The following TTC16 variants were observed in gnomAD, a reference collection of about 807,000 sequenced individuals.
The protein encoded by TTC16 is tetratricopeptide repeat protein 16.
TTC16 carries 66 observed loss-of-function variants against 80.4 expected under a neutral mutation model. The ratio of observed to expected loss-of-function variants is 0.82; its 90% confidence interval spans 0.67 to 1.01. The LOEUF (loss-of-function observed/expected upper bound fraction) is 1.01. TTC16 is among the 50% of genes least tolerant of loss of function. The probability of loss-of-function intolerance (pLI) is 0.00; values close to 1 mark genes in which losing one functional copy is unlikely to be tolerated. For synonymous variants in TTC16, 438 were observed against 451.3 expected (o/e 0.97, Z 0.37); for missense variants, 1,070 against 1,103.2 (o/e 0.97, Z 0.43).
At chr9:127,726,757 C>T (rs945983048) in intron 10 of TTC16, among the ~76,000 whole-genome samples, 2 of 147,370 alleles carry the variant, frequency 1.4e-5, no homozygotes, top group African/African-American at 4.9e-5. Flanking sequence ...CACTGCACTC[C>T]AGCCTGGGCG....
At chr9:127,728,215 T>A (rs1303938009) in intron 12 of TTC16, 1 of 152,244 alleles carries the variant, frequency 6.6e-6, no homozygotes, top group African/African-American at 2.4e-5. Flanking sequence ...GGGGCCCCCT[T>A]CGAGGCCCCT....
chr9:127,719,119 G>C (rs1843264622), intron 4 of TTC16, among the ~76,000 whole-genome samples: 2 of 151,654 alleles, frequency 1.3e-5, no homozygotes, highest in Non-Finnish European at 2.9e-5. Context: ...GCTGAGGCAG[G>C]AGAACCTCTT....
In TTC16 at chr9:127,730,731, CT is replaced by C; in HGVS notation, c.1949del (p.Leu650ArgfsTer2). 1 of 1,613,654 alleles carries C rather than the reference CT, an allele frequency of 6.2e-7. No homozygotes were observed. The highest frequency in any genetic ancestry group is 8.5e-7 in the Non-Finnish European group (1 of 1,180,050). ...ATAVTFSDSS[L>X]LKTQSSDSGN... ...CGCCGTGACATTCTCTGACTCGTCACTGTTGAAGACGCAATCCTCGGACTCT... is the reference window on the plus strand; with the variant it reads ...CGCCGTGACATTCTCTGACTCGTCACGTTGAAGACGCAATCCTCGGACTCT... On this transcript the variant is annotated frameshift_variant, in exon 14 of 14. Transcript: ENST00000373289. LOFTEE classifies it low-confidence loss of function (END_TRUNC).
chr9:127,726,907 C>G (rs1377069769), intron 10 of TTC16, 63 bp from the exon 11 acceptor site: 4 of 1,606,510 alleles, frequency 2.5e-6, no homozygotes, highest in Non-Finnish European at 3.4e-6. Context: ...GTCAGGGCAG[C>G]ATCGTGCTGT....
In TTC16 at chr9:127,723,341, A is replaced by G. The variant is rs781256401; in HGVS notation, c.872+8A>G. ...CAGTCTCTTCCTCTTCCGGTACTGC[A>G]TGGGAAGGTGCTGGCCTTGGGTCCC... On this transcript the variant is annotated splice_region_variant and intron_variant, in intron 7 of 13. Transcript: ENST00000373289. 1.3e-5 allele frequency: 21 copies of G among 1,610,052 alleles called. No individual in the cohort carries two copies. The South Asian group carries it at 2.2e-4, about 17-fold the overall frequency.
chr9:127,724,892 G>T lies in TTC16; in HGVS notation c.1254G>T (p.Arg418Ser). ...LQEKMGFCEQ[R>S]RKQFQKAENH... ...AGAAGATGGGCTTCTGCGAGCAGAG[G>T]CGCAAGTGCGTGGGCTCCCGCCCCC... The change falls in exon 9 of 14, where the codon AGG (arginine) becomes AGT (serine). Residue 418 changes from arginine to serine, a missense_variant. Physicochemically the swap from Arg to Ser is moderately radical, Grantham distance 110 (BLOSUM62 -1). Coordinates refer to ENST00000373289, the MANE Select transcript of TTC16 (RefSeq NM_144965.3). 6.5e-7 allele frequency: 1 copy of T among 1,534,058 alleles called. No homozygotes were observed. The highest frequency in any genetic ancestry group is 8.7e-7 in the Non-Finnish European group (1 of 1,143,750).
rs779856824 is a variant in TTC16 at position 127,730,826 on chromosome 9, C to T, written c.2043C>T (p.Ser681=). 1 of 1,612,000 alleles carries T rather than the reference C, an allele frequency of 6.2e-7. No individual in the cohort carries two copies. Among genetic ancestry groups the T allele is most frequent in the East Asian group, 2.2e-5 (1 of 44,772 alleles). The change falls in exon 14 of 14, where the codon AGC becomes AGT. Residue 681 remains serine, a synonymous_variant. Transcript: ENST00000373289. ...AGGCCACCCAGGGCCAGAGGCAGAG[C>T]CTTAGCAAGACTGAGCCCACCCAGA... ...KIKATQGQRQ[S]LSKTEPTQSQ...
intron 9 of TTC16, 119 bp downstream of exon 9, chr9:127,725,016 C>T (rs1843821050): frequency 3.9e-6 from 5 of 1,266,036 alleles, no homozygotes; most frequent in Non-Finnish European, 5.2e-6. Context: ...GGCGATGGCT[C>T]ATCCCTGTAA....
chr9:127,726,322 A>G lies in TTC16; in HGVS notation c.1343A>G (p.Lys448Arg). The change falls in exon 10 of 14, where the codon AAG (lysine) becomes AGG (arginine). Residue 448 changes from lysine to arginine, a missense_variant. Coordinates refer to ENST00000373289, the MANE Select transcript of TTC16 (RefSeq NM_144965.3). ...QKAQYYLYRA[K>R]SRQLLQNIFG... ...GCCCAGTACTACCTGTACCGGGCCAAGAGCCGGCAGCTGCTGCAGAACATT... is the reference window on the plus strand; with the variant it reads ...GCCCAGTACTACCTGTACCGGGCCAGGAGCCGGCAGCTGCTGCAGAACATT... 1 of 1,612,504 alleles carries G rather than the reference A, an allele frequency of 6.2e-7. No homozygotes were observed. Among genetic ancestry groups the G allele is most frequent in the Non-Finnish European group, 8.5e-7 (1 of 1,179,502 alleles).
chr9:127,716,934 G>A lies in TTC16; in HGVS notation c.109G>A (p.Gly37Arg). The change falls in exon 2 of 14, where the codon GGG (glycine) becomes AGG (arginine). Residue 37 changes from glycine to arginine, a missense_variant. Gly to Arg is a moderately radical substitution (Grantham distance 125, BLOSUM62 -2). Coordinates refer to ENST00000373289, the MANE Select transcript of TTC16 (RefSeq NM_144965.3). ...APKGILQHIFGTSHVFQSICD... is the reference protein window; with the variant it reads ...APKGILQHIFRTSHVFQSICD... ...CAAAGGGATCCTGCAGCACATCTTT[G>A]GGACCAGCCACGTGTTCCAAAGCAT... 1 of 1,614,132 alleles carries A rather than the reference G, an allele frequency of 6.2e-7. No homozygotes were observed. Among genetic ancestry groups the A allele is most frequent in the Non-Finnish European group, 8.5e-7 (1 of 1,180,008 alleles).
At chr9:127,729,744 G>T (rs1396884235) in intron 13 of TTC16, 76 bp downstream of exon 13, 6 of 1,413,988 alleles carry the variant, frequency 4.2e-6, no homozygotes, top group Admixed American at 1.7e-5. Context: ...GTCGAAGACC[G>T]CTGGCCTAGG....
Position 127,730,767 on chromosome 9 carries a change from A to C in TTC16, c.1984A>C (p.Arg662=). The C allele has an allele frequency of 6.2e-7, 1 of 1,613,734 alleles. No homozygotes were observed. The highest frequency in any genetic ancestry group is 8.5e-7 in the Non-Finnish European group (1 of 1,180,030). ...KTQSSDSGNN[R]EALSHGPRKI... The stretch of plus-strand genomic sequence containing the variant: ...GCAATCCTCGGACTCTGGGAACAAC[A>C]GGGAGGCACTAAGCCATGGTCCCAG... The change falls in exon 14 of 14, where the codon AGG becomes CGG. Residue 662 remains arginine (R), a synonymous_variant. Transcript: ENST00000373289.
chr9:127,731,337 T>A lies in TTC16; in HGVS notation c.2554T>A (p.Trp852Arg), dbSNP rs1844404819. Residue 852 changes from tryptophan (W) to arginine (R), a missense_variant, in exon 14 of 14, where the codon TGG (tryptophan) becomes AGG (arginine). By Grantham distance (101) the Trp-to-Arg change is moderately radical. Transcript: ENST00000373289. ...AACTTCCAGCAAGGCCGAGTCCACC[T>A]GGGGACCCAGCCCAAGTCTCAGCAA... ...SSTSSKAEST[W>R]GPSPSLSKTE... 6.2e-7 allele frequency: 1 copy of A among 1,612,912 alleles called. No individual in the cohort carries two copies. Among genetic ancestry groups the A allele is most frequent in the Admixed American group, 1.7e-5 (1 of 60,008 alleles).
At chr9:127,725,172 G>A (rs1041273866) in intron 9 of TTC16, among the ~76,000 whole-genome samples, 3 of 152,330 alleles carry the variant, frequency 2.0e-5, no homozygotes, top group Admixed American at 1.3e-4. Flanking sequence ...TACTCAGGAG[G>A]CTGAGGCACG....
intron 6 of TTC16, among the ~76,000 whole-genome samples, chr9:127,721,202 G>T (rs1025353085): frequency 6.6e-6 from 1 of 151,862 alleles, no homozygotes; most frequent in African/African-American, 2.4e-5. Context: ...GGTGTCCCCA[G>T]GGCAGGGGGC....
At chr9:127,717,921 G>A (rs989449593) in intron 4 of TTC16, 149 bp downstream of exon 4, 48 of 1,065,964 alleles carry the variant, frequency 4.5e-5, no homozygotes, top group Non-Finnish European at 5.6e-5. Flanking sequence ...TCCAAGGCTG[G>A]TTTACTGCCA....
At chr9:127,725,004 G>A in intron 9 of TTC16, 107 bp downstream of exon 9, 1 of 1,339,622 alleles carries the variant, frequency 7.5e-7, no homozygotes, top group Non-Finnish European at 9.8e-7. Context: ...TCTCTCCTCG[G>A]GGGCGATGGC....
At chr9:127,730,279 AT>A (rs1196682895) in intron 13 of TTC16, 1 of 337,956 alleles carries the variant, frequency 3.0e-6, no homozygotes, top group East Asian at 6.2e-5. Flanking sequence ...GTGTGGGTGC[AT>A]TTAGCGCCTT....
intron 1 of TTC16, 29 bp from the exon 2 acceptor site, chr9:127,716,815 T>C (rs771681074): frequency 1.3e-6 from 2 of 1,589,082 alleles, no homozygotes; most frequent in Non-Finnish European, 1.7e-6. Flanking sequence ...CTCGGGGGCC[T>C]GCTCCAGCTT....
Sources: allele counts gnomAD v4.1 joint callset (sites outside exome capture counted in the v4.1 genomes callset), GRCh38; gene constraint gnomAD v4.1.1; transcripts MANE v1.5; gene names NCBI Gene and HGNC (gene_info 2026-07-23, HGNC 2026-07-21).